Variants in MOK observed in about 807,000 individuals in gnomAD.
The protein encoded by MOK is MOK protein kinase.
In MOK, 59 loss-of-function variants were observed where a neutral mutation model predicts 54.2. The ratio of observed to expected loss-of-function variants is 1.09; its 90% CI spans 0.88 to 1.35. MOK has a LOEUF of 1.35. MOK is among the 40% of genes most tolerant of loss of function. The pLI, the probability that MOK is intolerant of heterozygous loss-of-function variation, is 0.00. For synonymous variants in MOK, 210 were observed against 202.7 expected (o/e 1.04, Z -0.31); for missense variants, 517 against 526.2 (o/e 0.98, Z 0.17).
intron 1 of MOK, among the ~76,000 whole-genome samples, chr14:102,298,809 G>A (rs1476189837): frequency 6.6e-6 from 1 of 152,152 alleles, no homozygotes; most frequent in African/African-American, 2.4e-5. Context: ...CTGCTTTTAT[G>A]AGCTGCAACA....
At chr14:102,268,577 C>A (rs962078035) in intron 2 of MOK, among the ~76,000 whole-genome samples, 5 of 152,030 alleles carry the variant, frequency 3.3e-5, no homozygotes, top group African/African-American at 1.2e-4. Context: ...GTGGAATCTA[C>A]AAATGGAACA....
intron 7 of MOK, 75 bp from the exon 8 acceptor site, chr14:102,233,864 G>C: frequency 9.2e-7 from 1 of 1,088,056 alleles, no homozygotes; most frequent in South Asian, 1.3e-5. Context: ...AAACCATCTG[G>C]ACCGCACAAG....
chr14:102,227,810 C>T (rs962549266), downstream of MOK, among the ~76,000 whole-genome samples: 2 of 152,206 alleles, frequency 1.3e-5, no homozygotes, highest in Non-Finnish European at 2.9e-5. Context: ...CCTGCGGCCC[C>T]GCTGTCGTGT....
At chr14:102,216,617 AC>A in the MOK span, among the ~76,000 whole-genome samples, 14 of 152,294 alleles carry the variant, frequency 9.2e-5, no homozygotes, top group East Asian at 2.1e-3. Flanking sequence ...GCTAGTTTGT[AC>A]CTTCAAAAAA....
the MOK span, chr14:102,214,926 A>G: frequency 1.0e-6 from 1 of 984,874 alleles, no homozygotes; most frequent in African/African-American, 1.8e-5. Flanking sequence ...AAGACTTACT[A>G]CATACTTGAT....
chr14:102,263,585 A>G lies in MOK; in HGVS notation c.244T>C (p.Cys82Arg), dbSNP rs1475726225. Residue 82 changes from cysteine (C) to arginine (R), a missense_variant, in exon 4 of 12, where the codon TGT becomes CGT. Physicochemically the swap from Cys to Arg is radical, Grantham distance 180 (BLOSUM62 -3). Transcript: ENST00000361847. ...TAAATATTCATGTCCATAAGTTCACATATTAGTGCAAGAGAACCAGATTTT... is the reference window on the plus strand; with the variant it reads ...TAAATATTCATGTCCATAAGTTCACGTATTAGTGCAAGAGAACCAGATTTT... ...DRKSGSLALICELMDMNIYEL... is the reference protein window; with the variant it reads ...DRKSGSLALIRELMDMNIYEL... The G allele has an allele frequency of 6.2e-7, 1 of 1,606,562 alleles. No individual in the cohort carries two copies. Among genetic ancestry groups the G allele is most frequent in the Non-Finnish European group, 8.5e-7 (1 of 1,177,464 alleles).
chr14:102,228,425 G>A (rs577212160), downstream of MOK, among the ~76,000 whole-genome samples: 1 of 152,248 alleles, frequency 6.6e-6, no homozygotes, highest in South Asian at 2.1e-4. Context: ...GGCCAGGCGC[G>A]GTGGCTCATG....
At chr14:102,246,248 G>T (rs2066082958) in intron 7 of MOK, 1 of 151,812 alleles carries the variant, frequency 6.6e-6, no homozygotes, top group Admixed American at 6.6e-5. Flanking sequence ...CTTCCTTCAC[G>T]CCCTCTCACA....
At chr14:102,272,148 G>A (rs1266732145) in intron 2 of MOK, among the ~76,000 whole-genome samples, 1 of 152,132 alleles carries the variant, frequency 6.6e-6, no homozygotes, top group Non-Finnish European at 1.5e-5. Flanking sequence ...TGGGATTAAA[G>A]GTATGAGACG....
intron 2 of MOK, among the ~76,000 whole-genome samples, chr14:102,282,022 G>GA (rs2069494489): frequency 6.6e-6 from 1 of 152,122 alleles, no homozygotes; most frequent in African/African-American, 2.4e-5. Context: ...CAGTAATCTA[G>GA]AAAAAATGTC....
chr14:102,291,407 C>T (rs929188714), intron 1 of MOK, among the ~76,000 whole-genome samples: 2 of 152,142 alleles, frequency 1.3e-5, no homozygotes, highest in African/African-American at 4.8e-5. Flanking sequence ...TCTTGAGGAG[C>T]CTCCAAACTT....
At chr14:102,215,858 C>G in the MOK span, among the ~76,000 whole-genome samples, 1 of 152,320 alleles carries the variant, frequency 6.6e-6, no homozygotes, top group South Asian at 2.1e-4. Context: ...AATACCATCC[C>G]TCACTCTTGA....
At chr14:102,263,483 G>T in intron 4 of MOK, 63 bp downstream of exon 4, 1 of 1,158,358 alleles carries the variant, frequency 8.6e-7, no homozygotes, top group Non-Finnish European at 1.3e-6. Flanking sequence ...GAATAACTAA[G>T]CATATATGAA....
At chr14:102,280,139 T>A (rs1036915538) in intron 2 of MOK, among the ~76,000 whole-genome samples, 14 of 151,962 alleles carry the variant, frequency 9.2e-5, no homozygotes, top group South Asian at 4.1e-4. Flanking sequence ...GTGAGGTACA[T>A]CCTGGATCTG....
chr14:102,303,194 GATAA>G (rs1011165414), intron 1 of MOK, among the ~76,000 whole-genome samples: 4 of 151,872 alleles, frequency 2.6e-5, no homozygotes, highest in African/African-American at 9.7e-5. Context: ...AAAGAAGGTA[GATAA>G]ATAAACCAAA....
At chr14:102,262,407 C>A (rs944573631) in intron 4 of MOK, among the ~76,000 whole-genome samples, 1 of 152,220 alleles carries the variant, frequency 6.6e-6, no homozygotes, top group Non-Finnish European at 1.5e-5. Context: ...CCCGCACTGG[C>A]GTCCCTCCTA....
intron 4 of MOK, among the ~76,000 whole-genome samples, chr14:102,256,688 A>G (rs1156642975): frequency 6.6e-6 from 1 of 151,644 alleles, no homozygotes; most frequent in African/African-American, 2.4e-5. Flanking sequence ...CACGTGAGCC[A>G]CTGCACCTGG....
intron 2 of MOK, among the ~76,000 whole-genome samples, chr14:102,275,689 A>G (rs1204979369): frequency 6.6e-6 from 1 of 152,140 alleles, no homozygotes; most frequent in Non-Finnish European, 1.5e-5. Flanking sequence ...TTCTTCTAAG[A>G]CAGAAAACAA....
Position 102,229,247 on chromosome 14 carries a change from G to C in MOK, c.*42C>G. Reference sequence around the variant, plus strand: ...GATCACCCAGGCCTGGCCCGGTCGGGCTTGGTGTTGCCTCCGAAGTCGAGA... The same window carrying C: ...GATCACCCAGGCCTGGCCCGGTCGGCCTTGGTGTTGCCTCCGAAGTCGAGA... On this transcript the variant is annotated 3_prime_UTR_variant, in exon 12 of 12. Transcript: ENST00000361847. 3 of 1,545,986 alleles carry C rather than the reference G, an allele frequency of 1.9e-6. No individual in the cohort carries two copies. Among genetic ancestry groups the C allele is most frequent in the Non-Finnish European group, 2.6e-6 (3 of 1,139,778 alleles).
Sources: gnomAD v4.1 joint callset for allele counts (sites outside exome capture counted in the v4.1 genomes callset) on GRCh38, gnomAD v4.1.1 for gene constraint, MANE v1.5 for transcripts, NCBI Gene and HGNC (gene_info 2026-07-23, HGNC 2026-07-21) for gene names.